TRAIP: variants seen among roughly 807,000 people sequenced by gnomAD.
TRAIP encodes E3 ubiquitin-protein ligase TRAIP.
Under a neutral mutation model 65.0 loss-of-function variants are expected in TRAIP, and 37 were observed. That is an observed-to-expected ratio of 0.57 (90% confidence interval 0.44 to 0.75). TRAIP has a LOEUF of 0.75. TRAIP is among the 30% of genes least tolerant of loss of function. The pLI is 0.00. For synonymous variants in TRAIP, 187 were observed against 219.1 expected (o/e 0.85, Z 1.29); for missense variants, 481 against 579.4 (o/e 0.83, Z 1.74).
chr3:49,855,370 C>T (rs1185649603), intron 1 of TRAIP, among the ~76,000 whole-genome samples: 1 of 151,920 alleles, frequency 6.6e-6, no homozygotes, highest in African/African-American at 2.4e-5. Flanking sequence ...ATCACTTGAA[C>T]TCAGGAGGTG....
intron 8 of TRAIP, chr3:49,840,699 T>A: frequency 1.7e-6 from 1 of 572,676 alleles, no homozygotes; most frequent in Non-Finnish European, 3.1e-6. Context: ...ATTTGAGGCC[T>A]GTGCTCTCCA....
At chr3:49,842,087 G>A (rs2081844478) in intron 6 of TRAIP, 148 bp from the exon 7 acceptor site, 2 of 675,266 alleles carry the variant, frequency 3.0e-6, no homozygotes, top group East Asian at 2.7e-5. Flanking sequence ...CCAAGGAAAG[G>A]CCCTGTGGCA....
intron 3 of TRAIP, among the ~76,000 whole-genome samples, chr3:49,845,382 G>A (rs1430993652): frequency 6.6e-6 from 1 of 152,226 alleles, no homozygotes; most frequent in Non-Finnish European, 1.5e-5. Flanking sequence ...AAGGGTCCAT[G>A]GTGGTAGCTA....
intron 6 of TRAIP, 65 bp from the exon 7 acceptor site, chr3:49,842,004 G>T: frequency 2.3e-6 from 3 of 1,306,076 alleles, no homozygotes; most frequent in Non-Finnish European, 2.2e-6. Flanking sequence ...ACCCAGTGCC[G>T]CTCTGCCTTC....
intron 10 of TRAIP, among the ~76,000 whole-genome samples, chr3:49,835,938 C>CAAA (rs560923462): frequency 2.4e-4 from 30 of 124,006 alleles, no homozygotes; most frequent in African/African-American, 2.7e-4. Context: ...GACTCCATCT[C>CAAA]AAAAAAAAAA....
At position 49,832,008 on chromosome 3, in the gene TRAIP, A is replaced by G. The variant is rs376933772; in HGVS notation, c.945T>C (p.Asp315=). Reference sequence around the variant, plus strand: ...TATCCACATCAAAGGTAGCATTGAGATCAATATCATCACGGAAGGATGGCC... The same window carrying G: ...TATCCACATCAAAGGTAGCATTGAGGTCAATATCATCACGGAAGGATGGCC... ...LRRPSFRDDI[D]LNATFDVDTP... The change falls in exon 11 of 15, where the codon GAT becomes GAC. Residue 315 remains aspartate, a synonymous_variant. Transcript: ENST00000331456. 49 of 1,607,628 alleles carry G rather than the reference A, an allele frequency of 3.0e-5. No individual in the cohort carries two copies. The South Asian group carries it at 5.2e-4, about 17-fold the overall frequency.
intron 10 of TRAIP, among the ~76,000 whole-genome samples, chr3:49,837,243 G>T (rs1306361098): frequency 6.6e-6 from 1 of 152,080 alleles, no homozygotes; most frequent in African/African-American, 2.4e-5. Flanking sequence ...CGTTGCTGAG[G>T]ATTCAACAAC....
intron 5 of TRAIP, 108 bp downstream of exon 5, chr3:49,843,692 AC>A (rs1294747818): frequency 1.4e-5 from 20 of 1,475,674 alleles, no homozygotes; most frequent in Non-Finnish European, 1.8e-5. Flanking sequence ...AACTCCCCAA[AC>A]CAAGGTGATG....
chr3:49,839,464 A>G (rs535149652), intron 10 of TRAIP, among the ~76,000 whole-genome samples: 28 of 152,324 alleles, frequency 1.8e-4, no homozygotes, highest in African/African-American at 6.7e-4. Context: ...TATTTGTTTC[A>G]AAATCTGGGG....
At chr3:49,832,176 G>C (rs1182929221) in intron 10 of TRAIP, 108 bp from the exon 11 acceptor site, 1 of 1,273,996 alleles carries the variant, frequency 7.8e-7, no homozygotes, top group Non-Finnish European at 1.0e-6. Context: ...GCCCACTCCT[G>C]ACTCAAGGCC....
intron 10 of TRAIP, among the ~76,000 whole-genome samples, chr3:49,833,722 G>A (rs186577754): frequency 1.4e-3 from 209 of 152,152 alleles, no homozygotes; most frequent in Admixed American, 3.9e-3. Flanking sequence ...CTCGTGATCT[G>A]CCCACCTCGG....
At chr3:49,832,842 G>A (rs1007670232) in intron 10 of TRAIP, among the ~76,000 whole-genome samples, 40 of 151,806 alleles carry the variant, frequency 2.6e-4, no homozygotes, top group Non-Finnish European at 5.4e-4. Context: ...AATGGCAAGG[G>A]TAGCTCCAAA....
At position 49,856,491 on chromosome 3, in the gene TRAIP, C is replaced by A. The variant is rs368712706; in HGVS notation, c.-38G>T. On this transcript the variant is annotated 5_prime_UTR_variant, in exon 1 of 15. Transcript: ENST00000331456. ...CAAGGGGCCCAGGCAGCCAAAGAAACTGCTACAGGTCCGGCTTCGTAGACG... is the reference window on the plus strand; with the variant it reads ...CAAGGGGCCCAGGCAGCCAAAGAAAATGCTACAGGTCCGGCTTCGTAGACG... 5.7e-6 allele frequency: 9 copies of A among 1,587,502 alleles called. No individual in the cohort carries two copies. The African/African-American group carries it at 1.2e-4, about 21-fold the overall frequency.
chr3:49,831,822 C>T (rs1213242557), intron 11 of TRAIP, 94 bp downstream of exon 11: 1 of 1,362,940 alleles, frequency 7.3e-7, no homozygotes, highest in African/African-American at 1.5e-5. Context: ...CTCACTGCCC[C>T]ATCAGCCACT....
chr3:49,854,452 T>A (rs2352975), intron 1 of TRAIP, among the ~76,000 whole-genome samples: 1 of 152,054 alleles, frequency 6.6e-6, no homozygotes, highest in East Asian at 1.9e-4. Flanking sequence ...GAGAAAGGTG[T>A]TGATTAACCT....
chr3:49,852,323 G>T (rs1200914242), intron 1 of TRAIP, among the ~76,000 whole-genome samples: 5 of 148,998 alleles, frequency 3.4e-5, no homozygotes, highest in East Asian at 4.2e-4. Context: ...GCCGAGATCG[G>T]ACCATTGCAC....
chr3:49,839,760 G>A lies in TRAIP; in HGVS notation c.884+12C>T. 1 of 1,613,466 alleles carries A rather than the reference G, an allele frequency of 6.2e-7. No individual in the cohort carries two copies. Among genetic ancestry groups the A allele is most frequent in the South Asian group, 1.1e-5 (1 of 91,070 alleles). On this transcript the variant is annotated intron_variant, in intron 10 of 14. Transcript: ENST00000331456. Reference sequence around the variant, plus strand: ...ACCTTGTGACCCCTGTACCGCCCAAGGCTCAACAAACCTCTCTAAAACCAG... The same window carrying A: ...ACCTTGTGACCCCTGTACCGCCCAAAGCTCAACAAACCTCTCTAAAACCAG...
chr3:49,849,420 T>C (rs1437484442), intron 1 of TRAIP, among the ~76,000 whole-genome samples: 2 of 151,326 alleles, frequency 1.3e-5, no homozygotes, highest in African/African-American at 2.4e-5. Flanking sequence ...GGTCAGGAGA[T>C]TGAGACCATC....
chr3:49,829,179 T>C lies in TRAIP; in HGVS notation c.1334A>G (p.Lys445Arg). 6.2e-7 allele frequency: 1 copy of C among 1,614,190 alleles called. No individual in the cohort carries two copies. The highest frequency in any genetic ancestry group is 8.5e-7 in the Non-Finnish European group (1 of 1,180,040). The change falls in exon 15 of 15, where the codon AAG becomes AGG. Residue 445 changes from lysine (K) to arginine (R), a missense_variant. Lys to Arg is a conservative substitution (Grantham distance 26). Transcript: ENST00000331456. ...CTTCACCCTCACCCTCTGCTTAACC[T>C]TGGTCTTGGGCTTAACAGGCAATGG... ...IRPLPVKPKT[K>R]VKQRVRVKTV...
Sources: gnomAD v4.1 joint callset for allele counts (sites outside exome capture counted in the v4.1 genomes callset) on GRCh38, gnomAD v4.1.1 for gene constraint, MANE v1.5 for transcripts, NCBI Gene and HGNC (gene_info 2026-07-23, HGNC 2026-07-21) for gene names.